Variants in CCDC187 observed in about 807,000 individuals in gnomAD.
CCDC187 encodes coiled-coil domain containing 187.
Under a neutral mutation model 38.0 loss-of-function variants are expected in CCDC187, and 32 were observed. The ratio of observed to expected loss-of-function variants is 0.84; its 90% CI spans 0.64 to 1.13. The LOEUF is 1.13. Ranked by LOEUF, CCDC187 falls within the 50% of genes most tolerant of loss-of-function variation. CCDC187 has a pLI of 0.00. For missense variants in CCDC187, 707 were observed against 786.8 expected (o/e 0.90, Z 1.21); for synonymous variants, 333 against 347.9 (o/e 0.96, Z 0.48).
chr9:136,266,545 A>C (rs1403042268), intron 16 of CCDC187: 2 of 152,260 alleles, frequency 1.3e-5, no homozygotes, highest in African/African-American at 4.8e-5. Context: ...TTTTACCTTA[A>C]GGAAATGATC....
intron 16 of CCDC187, 82 bp from the exon 17 acceptor site, chr9:136,266,125 G>T: frequency 1.2e-6 from 1 of 816,472 alleles, no homozygotes; most frequent in Non-Finnish European, 1.5e-6. Flanking sequence ...AGCCAGCCCT[G>T]GTCGGCCACA....
Position 136,254,239 on chromosome 9 carries a change from G to C in CCDC187, c.5589C>G (p.Leu1863=). ...LMGVSDTGEA[L]QAPPEAAGVV... ...CACCGGCGGCCTCAGGGGGTGCCTGGAGGGCTTCTCCTGTGTCTGACACCC... is the reference window on the plus strand; with the variant it reads ...CACCGGCGGCCTCAGGGGGTGCCTGCAGGGCTTCTCCTGTGTCTGACACCC... The change falls in exon 26 of 26, where the codon CTC becomes CTG. Residue 1863 remains leucine (L), a synonymous_variant. Transcript: ENST00000638797. The C allele has an allele frequency of 1.0e-6, 1 of 985,420 alleles. No homozygotes were observed. The allele number at this position is 985,420 out of a possible 1,614,324, so 61.0% of individuals were successfully genotyped here.
intron 9 of CCDC187, among the ~76,000 whole-genome samples, chr9:136,284,904 A>G (rs879128871): frequency 0.74 from 112,229 of 152,040 alleles, 42,285 homozygotes; most frequent in East Asian, 0.82. Context: ...CCCATGGACC[A>G]AGCCTGCTGG....
chr9:136,297,425 T>C (rs1831563206), intron 4 of CCDC187, among the ~76,000 whole-genome samples: 1 of 152,146 alleles, frequency 6.6e-6, no homozygotes, highest in Non-Finnish European at 1.5e-5. Context: ...GAGAGGACAA[T>C]AGTGCCTGGT....
At chr9:136,271,742 G>C (rs995537038) in intron 14 of CCDC187, among the ~76,000 whole-genome samples, 2 of 151,256 alleles carry the variant, frequency 1.3e-5, no homozygotes, top group Admixed American at 6.6e-5. Context: ...CGAGTAGCTG[G>C]GACTACAGGC....
chr9:136,275,717 G>A (rs1830919539), intron 12 of CCDC187, among the ~76,000 whole-genome samples: 1 of 152,224 alleles, frequency 6.6e-6, no homozygotes, highest in Non-Finnish European at 1.5e-5. Context: ...GGCAGGTGCT[G>A]AGCCACCCCG....
Position 136,256,145 on chromosome 9 carries a change from G to A in CCDC187, c.4616+66C>T, listed in dbSNP as rs909503865. 2.7e-5 allele frequency: 23 copies of A among 843,944 alleles called. No individual in the cohort carries two copies. The Admixed American group carries it at 4.4e-4, about 16-fold the overall frequency. The allele number at this position is 843,944 out of a possible 1,614,324, so 52.3% of individuals were successfully genotyped here. On this transcript the variant is annotated intron_variant, in intron 24 of 25. Coordinates refer to ENST00000638797, the MANE Select transcript of CCDC187 (RefSeq NM_001378188.1). ...GGGTCCCCACAGCAGGGGGACAGGG[G>A]GTACCGGCTGAACCCGTCTCCGTGC...
upstream of CCDC187, among the ~76,000 whole-genome samples, chr9:136,306,560 G>A (rs1305177154): frequency 6.6e-6 from 1 of 152,186 alleles, no homozygotes; most frequent in Non-Finnish European, 1.5e-5. Context: ...TCGTCTCAGG[G>A]CAATCCCACC....
At position 136,259,356 on chromosome 9, in the gene CCDC187, T is replaced by C. The variant is rs372657787; in HGVS notation, c.4296+7A>G. ...CTGGGGAAAGGGCTTCCAGGGAGAG[T>C]GCGTACGGGAAAGGCTGGGCCCAGC... On this transcript the variant is annotated splice_region_variant and intron_variant, in intron 21 of 25. Transcript: ENST00000638797. 3.7e-5 allele frequency: 35 copies of C among 948,686 alleles called. No individual in the cohort carries two copies. In the African/African-American group the frequency reaches 7.2e-4, roughly 19 times the overall value. The allele number at this position is 948,686 out of a possible 1,614,324, so 58.8% of individuals were successfully genotyped here.
Position 136,292,304 on chromosome 9 carries a change from G to T in CCDC187, c.833-9C>A, listed in dbSNP as rs1419374990. 4 of 398,580 alleles carry T rather than the reference G, an allele frequency of 1.0e-5. No individual in the cohort carries two copies. Among genetic ancestry groups the T allele is most frequent in the Admixed American group, 4.4e-5 (1 of 22,718 alleles). The allele number at this position is 398,580 out of a possible 1,614,324, so 24.7% of individuals were successfully genotyped here. On this transcript the variant is annotated splice_polypyrimidine_tract_variant and intron_variant, in intron 4 of 25. Coordinates refer to ENST00000638797, the MANE Select transcript of CCDC187 (RefSeq NM_001378188.1). ...ACCAACCAGCTCCGAATCTTAAACA[G>T]AGAAAACATACACACAGCCGGGCGC...
intron 7 of CCDC187, among the ~76,000 whole-genome samples, chr9:136,289,066 C>T (rs1209948471): frequency 2.0e-5 from 3 of 152,208 alleles, no homozygotes; most frequent in African/African-American, 4.8e-5. Context: ...TGCCCACAGC[C>T]GGGCATTATT....
chr9:136,291,910 C>T (rs1423683397), intron 5 of CCDC187, among the ~76,000 whole-genome samples: 1 of 152,246 alleles, frequency 6.6e-6, no homozygotes, highest in Non-Finnish European at 1.5e-5. Context: ...GCCTCGGCAG[C>T]ATGCCTGCCC....
chr9:136,271,662 C>T (rs1270150645), intron 14 of CCDC187, among the ~76,000 whole-genome samples: 1 of 132,238 alleles, frequency 7.6e-6, no homozygotes, highest in Non-Finnish European at 1.5e-5. Context: ...GGCTGGAGTG[C>T]GGTGGCGCGA....
rs1254560022 is a variant in CCDC187, at chr9:136,257,477, C to G, written c.4367-636G>C. Reference sequence around the variant, plus strand: ...GCTTGTTCTTCCCCCTCGGTGCCGTCCGACAGACACTGGTGTGAGGCAGGG... The same window carrying G: ...GCTTGTTCTTCCCCCTCGGTGCCGTGCGACAGACACTGGTGTGAGGCAGGG... On this transcript the variant is annotated intron_variant, in intron 22 of 25. Transcript: ENST00000638797. This position sits in a 1 kb window ranked among gnomAD's most constrained non-coding sequence, Gnocchi z 4.5. 6.6e-6 allele frequency among the ~76,000 whole-genome samples: 1 copy of G among 152,140 alleles called. No homozygotes were observed. Among genetic ancestry groups the G allele is most frequent in the Non-Finnish European group, 1.5e-5 (1 of 68,030 alleles).
intron 19 of CCDC187, among the ~76,000 whole-genome samples, chr9:136,261,540 T>C (rs1830679139): frequency 6.6e-6 from 1 of 152,250 alleles, no homozygotes; most frequent in Non-Finnish European, 1.5e-5. Context: ...GTATTTGGCC[T>C]GGAAGCCTCT....
chr9:136,259,358 C>T lies in CCDC187; in HGVS notation c.4296+5G>A, dbSNP rs1337655500. 1.0e-5 allele frequency: 10 copies of T among 980,698 alleles called. 1 individual carries two copies. In the East Asian group the frequency reaches 3.5e-4, roughly 34 times the overall value. The allele number at this position is 980,698 out of a possible 1,614,324, so 60.7% of individuals were successfully genotyped here. ...GGGGAAAGGGCTTCCAGGGAGAGTG[C>T]GTACGGGAAAGGCTGGGCCCAGCCG... is the stretch of plus-strand genomic sequence containing the variant. On this transcript the variant is annotated splice_donor_5th_base_variant and intron_variant, in intron 21 of 25. Coordinates refer to ENST00000638797, the MANE Select transcript of CCDC187 (RefSeq NM_001378188.1).
At chr9:136,297,973 G>A (rs1831576890) in intron 3 of CCDC187, among the ~76,000 whole-genome samples, 152 bp from the exon 4 acceptor site, 1 of 152,244 alleles carries the variant, frequency 6.6e-6, no homozygotes, top group Non-Finnish European at 1.5e-5. Context: ...GCGAGAGCCA[G>A]GGTGGGCAGC....
rs1831318013 is a variant in CCDC187 at position 136,291,135 on chromosome 9, G to T, written c.1478C>A (p.Ala493Glu). ...CGGACTGCAGGCCTGCCCAGCCAGTGCACTCCAGGGCCTCTGGGAGAAGTG... is the reference window on the plus strand; with the variant it reads ...CGGACTGCAGGCCTGCCCAGCCAGTTCACTCCAGGGCCTCTGGGAGAAGTG... ...LGHFSQRPWS[A>E]LAGQACSPQR... is the part of the protein sequence containing the mutation. Residue 493 changes from alanine to glutamate, a missense_variant, in exon 6 of 26, where the codon GCA becomes GAA. By Grantham distance (107) the Ala-to-Glu change is moderately radical. Transcript: ENST00000638797. 2 of 398,484 alleles carry T rather than the reference G, an allele frequency of 5.0e-6. No homozygotes were observed. Among genetic ancestry groups the T allele is most frequent in the Non-Finnish European group, 8.8e-6 (2 of 226,098 alleles). 24.7% of individuals were successfully genotyped at this position (398,484 alleles called of 1,614,324 possible).
chr9:136,254,724 C>T lies in CCDC187; in HGVS notation c.5104G>A (p.Val1702Met). The T allele has an allele frequency of 5.1e-6, 5 of 985,552 alleles. No homozygotes were observed. Among genetic ancestry groups the T allele is most frequent in the Non-Finnish European group, 6.0e-6 (5 of 830,002 alleles). The allele number at this position is 985,552 out of a possible 1,614,324, so 61.1% of individuals were successfully genotyped here. The change falls in exon 26 of 26, where the codon GTG becomes ATG. Residue 1702 changes from valine (V) to methionine (M), a missense_variant. Val to Met is a conservative substitution (Grantham distance 21, BLOSUM62 1). Transcript: ENST00000638797. ...CGGCCCTGGGGCCTCTGCCAGGTCACCCATCCTCCACCCCCAGGAGCACTG... is the reference window on the plus strand; with the variant it reads ...CGGCCCTGGGGCCTCTGCCAGGTCATCCATCCTCCACCCCCAGGAGCACTG... ...PGSAPGGGGW[V>M]TWQRPQGRRA...
Sources: allele counts gnomAD v4.1 joint callset (sites outside exome capture counted in the v4.1 genomes callset), GRCh38; gene constraint gnomAD v4.1.1; non-coding constraint Gnocchi (gnomAD v3.1); transcripts MANE v1.5; gene names NCBI Gene and HGNC (gene_info 2026-07-23, HGNC 2026-07-21).